Variants in ELMOD2 observed in about 807,000 individuals in gnomAD.
The protein encoded by ELMOD2 is ELMO domain-containing protein 2.
Under a neutral mutation model 41.0 loss-of-function variants are expected in ELMOD2, and 28 were observed. The ratio of observed to expected loss-of-function variants is 0.68; its 90% CI spans 0.51 to 0.94. The LOEUF is 0.94. ELMOD2 is among the 40% of genes least tolerant of loss of function. ELMOD2 has a pLI of 0.00. For synonymous variants in ELMOD2, 106 were observed against 107.2 expected (o/e 0.99, Z 0.07); for missense variants, 333 against 343.1 (o/e 0.97, Z 0.23).
At chr4:140,548,098 C>A (rs576824083) in intron 8 of ELMOD2, among the ~76,000 whole-genome samples, 2 of 152,262 alleles carry the variant, frequency 1.3e-5, no homozygotes, top group East Asian at 3.9e-4. Context: ...GCAAGAAGTT[C>A]CTAGTGCTTT....
intron 3 of ELMOD2, among the ~76,000 whole-genome samples, chr4:140,529,725 A>G (rs1486969942): frequency 6.6e-6 from 1 of 152,188 alleles, no homozygotes; most frequent in Non-Finnish European, 1.5e-5. Flanking sequence ...CCCGCTTAAA[A>G]GCTTAGCTCA....
rs1735475407 is a variant in ELMOD2, at chr4:140,551,727, T to C, written c.*1352T>C. On this transcript the variant is annotated 3_prime_UTR_variant, in exon 9 of 9. Coordinates refer to ENST00000323570, the MANE Select transcript of ELMOD2 (RefSeq NM_153702.4). ...GGGTATATATCAAGTGTTTAAGGAC[T>C]GGCTAGTATGTGATAGAGCAAGACC... is the stretch of plus-strand genomic sequence containing the variant. 6.6e-6 allele frequency: 1 copy of C among 152,106 alleles called. No homozygotes were observed. Among genetic ancestry groups the C allele is most frequent in the African/African-American group, 2.4e-5 (1 of 41,460 alleles). 9.4% of individuals were successfully genotyped at this position (152,106 alleles called of 1,614,324 possible). A position where few individuals can be genotyped will look rare whatever the true frequency, so the allele number is the denominator to read the frequency against.
intron 1 of ELMOD2, chr4:140,524,595 G>T (rs986597174): frequency 4.1e-6 from 4 of 985,446 alleles, no homozygotes; most frequent in African/African-American, 3.5e-5. Flanking sequence ...TGTGCTATGC[G>T]CTCTTTCTGC....
At chr4:140,529,405 AAG>A (rs1389650409) in intron 3 of ELMOD2, among the ~76,000 whole-genome samples, 1 of 152,186 alleles carries the variant, frequency 6.6e-6, no homozygotes, top group African/African-American at 2.4e-5. Flanking sequence ...CGACATTGTA[AAG>A]AGAGTAAAAC....
intron 3 of ELMOD2, among the ~76,000 whole-genome samples, chr4:140,534,373 C>T (rs1346122674): frequency 6.6e-6 from 1 of 152,044 alleles, no homozygotes; most frequent in Non-Finnish European, 1.5e-5. Context: ...GAAATCAGAA[C>T]AGTGGTTGCT....
intron 2 of ELMOD2, among the ~76,000 whole-genome samples, chr4:140,526,378 A>G (rs1042323707): frequency 5.9e-5 from 9 of 152,200 alleles, no homozygotes; most frequent in Non-Finnish European, 1.5e-5. Flanking sequence ...TCAGTGCTTC[A>G]TTGAAAATTT....
chr4:140,549,630 T>C (rs1735403878), intron 8 of ELMOD2, among the ~76,000 whole-genome samples: 1 of 151,764 alleles, frequency 6.6e-6, no homozygotes, highest in African/African-American at 2.4e-5. Flanking sequence ...TTTTGTGCTT[T>C]GGAAGTTTCT....
chr4:140,534,744 G>A (rs948281219), intron 3 of ELMOD2, among the ~76,000 whole-genome samples: 2 of 152,102 alleles, frequency 1.3e-5, no homozygotes, highest in African/African-American at 4.8e-5. Flanking sequence ...CAAGATATAA[G>A]AGTAAATAAG....
chr4:140,542,752 A>G (rs1735150165), intron 7 of ELMOD2, 110 bp downstream of exon 7: 3 of 871,738 alleles, frequency 3.4e-6, no homozygotes, highest in Non-Finnish European at 5.0e-6. Context: ...GTATTTTAAT[A>G]AGAACTTTTT....
rs1454937244 is a variant in ELMOD2 at position 140,551,532 on chromosome 4, G to A, written c.*1157G>A. ...GCTGTCAACGATTATATAGTGATGA[G>A]ATTTTTATGGGAATGATTTCTTCTT... On this transcript the variant is annotated 3_prime_UTR_variant, in exon 9 of 9. Coordinates refer to ENST00000323570, the MANE Select transcript of ELMOD2 (RefSeq NM_153702.4). 3 of 152,048 alleles carry A rather than the reference G, an allele frequency of 2.0e-5. No individual in the cohort carries two copies. Among genetic ancestry groups the A allele is most frequent in the Non-Finnish European group, 4.4e-5 (3 of 67,940 alleles). The allele number at this position is 152,048 out of a possible 1,614,324, so 9.4% of individuals were successfully genotyped here. A position where few individuals can be genotyped will look rare whatever the true frequency, so the allele number is the denominator to read the frequency against.
chr4:140,533,046 CT>C (rs1158338294), intron 3 of ELMOD2, among the ~76,000 whole-genome samples: 2 of 152,130 alleles, frequency 1.3e-5, no homozygotes, highest in Admixed American at 6.5e-5. Context: ...ATGCATAAGA[CT>C]TCTGCACTAA....
At chr4:140,540,442 A>G in intron 6 of ELMOD2, 141 bp downstream of exon 6, 1 of 1,156,930 alleles carries the variant, frequency 8.6e-7, no homozygotes, top group East Asian at 2.5e-5. Context: ...GTATTTGCTA[A>G]TGTGTTGGCA....
chr4:140,532,685 T>C (rs1303473589), intron 3 of ELMOD2, among the ~76,000 whole-genome samples: 1 of 152,224 alleles, frequency 6.6e-6, no homozygotes, highest in Non-Finnish European at 1.5e-5. Context: ...CACTGAATTA[T>C]TGAATGCTCA....
chr4:140,525,253 T>C, intron 1 of ELMOD2, 167 bp from the exon 2 acceptor site: 1 of 619,634 alleles, frequency 1.6e-6, no homozygotes, highest in Non-Finnish European at 2.6e-6. Flanking sequence ...TTAATAGCGG[T>C]ATATATTACA....
At chr4:140,535,648 T>G in intron 3 of ELMOD2, 85 bp from the exon 4 acceptor site, 1 of 1,268,078 alleles carries the variant, frequency 7.9e-7, no homozygotes, top group Non-Finnish European at 1.1e-6. Context: ...AATATCTACT[T>G]TGTAAGGTTG....
intron 1 of ELMOD2, chr4:140,524,680 T>C: frequency 1.0e-6 from 1 of 984,304 alleles, no homozygotes; most frequent in Non-Finnish European, 1.2e-6. Flanking sequence ...TCTGTGGGAA[T>C]GTTTAAGGCA....
At position 140,542,386 on chromosome 4, in the gene ELMOD2, AG is replaced by A. The variant is rs1735134466; in HGVS notation, c.534-186del. On this transcript the variant is annotated intron_variant, in intron 6 of 8. Coordinates refer to ENST00000323570, the MANE Select transcript of ELMOD2 (RefSeq NM_153702.4). ...CAATGACCTATATTCTGTACTACAT[AG>A]GCCTGATAGCTTGGGAAATTTTGAT... 1.2e-5 allele frequency: 6 copies of A among 495,454 alleles called. No individual in the cohort carries two copies. In the East Asian group the frequency reaches 1.6e-4, roughly 13 times the overall value. The allele number at this position is 495,454 out of a possible 1,614,324, so 30.7% of individuals were successfully genotyped here.
At chr4:140,547,580 TAAC>T (rs1735331414) in intron 8 of ELMOD2, among the ~76,000 whole-genome samples, 1 of 152,168 alleles carries the variant, frequency 6.6e-6, no homozygotes, top group Non-Finnish European at 1.5e-5. Flanking sequence ...TATGTCTCAA[TAAC>T]AACTTTATTG....
intron 8 of ELMOD2, among the ~76,000 whole-genome samples, chr4:140,548,581 T>A (rs529221871): frequency 6.6e-6 from 1 of 152,264 alleles, no homozygotes; most frequent in African/African-American, 2.4e-5. Context: ...GCAATCATGA[T>A]AGTCTAGCCA....
Sources: allele counts gnomAD v4.1 joint callset (sites outside exome capture counted in the v4.1 genomes callset), GRCh38; gene constraint gnomAD v4.1.1; transcripts MANE v1.5; gene names NCBI Gene and HGNC (gene_info 2026-07-23, HGNC 2026-07-21).